Variants in WDR41 observed in about 807,000 individuals in gnomAD.
The protein encoded by WDR41 is WD repeat-containing protein 41.
WDR41 carries 63 observed loss-of-function variants against 69.3 expected under a neutral mutation model. The observed-to-expected ratio is 0.91, with a 90% CI of 0.74 to 1.12. The LOEUF is 1.12. Among genes scored for constraint, WDR41 ranks in the 50% most tolerant of loss-of-function variants. WDR41 has a pLI of 0.00. For missense variants in WDR41, 543 were observed against 534.5 expected, an observed-to-expected ratio of 1.02 and a Z score of -0.16; for synonymous variants, 185 against 192.1, an observed-to-expected ratio of 0.96 and a Z score of 0.31.
intron 1 of WDR41, among the ~76,000 whole-genome samples, chr5:77,607,510 C>T (rs1433526588): frequency 2.6e-5 from 4 of 152,214 alleles, no homozygotes; most frequent in Non-Finnish European, 4.4e-5. Flanking sequence ...ATTGGATAGG[C>T]ATTCTGCCAG....
At chr5:77,602,176 G>C (rs997760508) in intron 1 of WDR41, among the ~76,000 whole-genome samples, 1 of 145,876 alleles carries the variant, frequency 6.9e-6, no homozygotes, top group African/African-American at 2.6e-5. Flanking sequence ...TTTCTCTCTT[G>C]TTGCCCAGGC....
chr5:77,542,781 C>T (rs932070592), intron 1 of WDR41, among the ~76,000 whole-genome samples: 1 of 152,152 alleles, frequency 6.6e-6, no homozygotes, highest in African/African-American at 2.4e-5. Context: ...TCAGCTCCAA[C>T]TCGGATGGAC....
chr5:77,466,810 T>C (rs1272793897), intron 2 of WDR41, among the ~76,000 whole-genome samples: 1 of 151,050 alleles, frequency 6.6e-6, no homozygotes, highest in Non-Finnish European at 1.5e-5. Context: ...GCTACCATTT[T>C]TTTTTTTTTT....
At chr5:77,590,920 GA>G (rs1744126143) in intron 1 of WDR41, among the ~76,000 whole-genome samples, 1 of 152,006 alleles carries the variant, frequency 6.6e-6, no homozygotes, top group Non-Finnish European at 1.5e-5. Flanking sequence ...TTGTTTTCTG[GA>G]AAAGTTTATG....
chr5:77,450,176 A>C (rs1799568154), intron 7 of WDR41, among the ~76,000 whole-genome samples: 1 of 151,924 alleles, frequency 6.6e-6, no homozygotes, highest in African/African-American at 2.4e-5. Context: ...ATCTCAACTC[A>C]CTCCCTCCCT....
chr5:77,557,902 G>C (rs1743438784), intron 1 of WDR41, among the ~76,000 whole-genome samples: 1 of 152,008 alleles, frequency 6.6e-6, no homozygotes, highest in Non-Finnish European at 1.5e-5. Flanking sequence ...AGTTACAAAA[G>C]AATGTATACG....
chr5:77,513,144 G>C (rs1217603828), intron 1 of WDR41, among the ~76,000 whole-genome samples: 1 of 152,078 alleles, frequency 6.6e-6, no homozygotes, highest in South Asian at 2.1e-4. Flanking sequence ...AAACTATATG[G>C]CACATGCACT....
intron 2 of WDR41, among the ~76,000 whole-genome samples, chr5:77,480,440 A>G (rs1158920553): frequency 1.3e-5 from 2 of 152,174 alleles, no homozygotes; most frequent in Non-Finnish European, 2.9e-5. Flanking sequence ...TCCAACAATG[A>G]TAGACTGGAT....
At chr5:77,592,151 G>C (rs562520597) in intron 1 of WDR41, among the ~76,000 whole-genome samples, 2 of 152,124 alleles carry the variant, frequency 1.3e-5, no homozygotes, top group African/African-American at 4.8e-5. Flanking sequence ...ACTGTCACCA[G>C]GTTTCTTGTG....
rs79512379 is a variant in WDR41 at position 77,457,854 on chromosome 5, C to G, written c.411+1208G>C. On this transcript the variant is annotated intron_variant, in intron 5 of 12. Transcript: ENST00000296679. ...GAAACAGGATCACAGCAGGAGAAAA[C>G]AGACACAAATATCTAGCTGATTCAC... 1.0e-2 allele frequency among the ~76,000 whole-genome samples: 1,512 copies of G among 151,832 alleles called. 10 individuals are homozygous for G. The highest frequency in any genetic ancestry group is 0.034 in the Middle Eastern group (10 of 292).
intron 1 of WDR41, among the ~76,000 whole-genome samples, chr5:77,534,442 T>C (rs568593663): frequency 1.3e-5 from 2 of 152,062 alleles, no homozygotes; most frequent in Non-Finnish European, 2.9e-5. Flanking sequence ...ATTTCAATTT[T>C]TTTTTCTTTT....
rs562737633 is a variant in WDR41 at position 77,478,618 on chromosome 5, T to C, written c.167+10839A>G. Among the ~76,000 whole-genome samples, 7 of 152,206 alleles carry C rather than the reference T, an allele frequency of 4.6e-5. No homozygotes were observed. In the South Asian group the frequency reaches 1.2e-3, roughly 27 times the overall value. ...GATGCAGAAAAGGCCTTTGACAAAATTCAACAACACTTCATGCTAAAAATT... is the reference window on the plus strand; with the variant it reads ...GATGCAGAAAAGGCCTTTGACAAAACTCAACAACACTTCATGCTAAAAATT... On this transcript the variant is annotated intron_variant, in intron 2 of 12. Coordinates refer to ENST00000296679, the MANE Select transcript of WDR41 (RefSeq NM_018268.4).
rs889780930 is a variant in WDR41, at chr5:77,514,703, C to T, written c.43-25131G>A. Among the ~76,000 whole-genome samples, 3 of 152,166 alleles carry T rather than the reference C, an allele frequency of 2.0e-5. No individual in the cohort carries two copies. The East Asian group carries it at 5.8e-4, about 29-fold the overall frequency. On this transcript the variant is annotated intron_variant, in intron 1 of 5. Coordinates refer to the WDR41 transcript ENST00000509971. ...ATTGTGCCATTGTAGAGGGTACTTA[C>T]ACAACCTAGATGGTATAGTCTACTA...
chr5:77,522,507 G>A (rs1409454217), intron 1 of WDR41, among the ~76,000 whole-genome samples: 2 of 152,098 alleles, frequency 1.3e-5, no homozygotes, highest in Non-Finnish European at 2.9e-5. Context: ...AGTCGTGGTG[G>A]CGCTCACCTG....
chr5:77,433,291 T>C lies in WDR41; in HGVS notation c.1228-4A>G. On this transcript the variant is annotated splice_polypyrimidine_tract_variant and splice_region_variant and intron_variant, in intron 12 of 12. Coordinates refer to ENST00000296679, the MANE Select transcript of WDR41 (RefSeq NM_018268.4). ...GATCTTCAAAGTATAGAAACATCTG[T>C]AAAGAAAATTAAAACTGATTATAGG... 1 of 1,608,178 alleles carries C rather than the reference T, an allele frequency of 6.2e-7. No homozygotes were observed.
intron 10 of WDR41, 79 bp from the exon 11 acceptor site, chr5:77,437,503 G>A (rs918038744): frequency 5.6e-6 from 7 of 1,241,216 alleles, no homozygotes; most frequent in Non-Finnish European, 8.3e-6. Context: ...AAAGAAATCA[G>A]TGGAGCCCTC....
At position 77,462,971 on chromosome 5, in the gene WDR41, A is replaced by G. The variant is rs897136163; in HGVS notation, c.348+124T>C. ...TAAATGGTATCTTATAAGTAACAGAACAAAAATCATTTTTGCTATAACAAG... is the reference window on the plus strand; with the variant it reads ...TAAATGGTATCTTATAAGTAACAGAGCAAAAATCATTTTTGCTATAACAAG... On this transcript the variant is annotated intron_variant, in intron 4 of 12. Transcript: ENST00000296679. 7.4e-6 allele frequency: 8 copies of G among 1,078,786 alleles called. 1 individual carries two copies. Among genetic ancestry groups the G allele is most frequent in the Non-Finnish European group, 1.0e-5 (8 of 776,608 alleles). 66.8% of individuals were successfully genotyped at this position (1,078,786 alleles called of 1,614,324 possible).
In WDR41 at chr5:77,478,170, G is replaced by T. The variant is rs1345196451; in HGVS notation, c.167+11287C>A. 7.9e-5 allele frequency among the ~76,000 whole-genome samples: 12 copies of T among 152,276 alleles called. No individual in the cohort carries two copies. In the East Asian group the frequency reaches 2.3e-3, roughly 29 times the overall value. ...TAGACCAATAACAGGATCTGAAATT[G>T]TGGCAATAATCAATAGTTTACCAAC... is the stretch of plus-strand genomic sequence containing the variant. On this transcript the variant is annotated intron_variant, in intron 2 of 12. Coordinates refer to ENST00000296679, the MANE Select transcript of WDR41 (RefSeq NM_018268.4).
chr5:77,591,889 T>C (rs1416347761), intron 1 of WDR41, among the ~76,000 whole-genome samples: 1 of 152,188 alleles, frequency 6.6e-6, no homozygotes, highest in East Asian at 1.9e-4. Flanking sequence ...ATTGTAATTA[T>C]ATCAATTGAA....
Sources: gnomAD v4.1 joint callset for allele counts (sites outside exome capture counted in the v4.1 genomes callset) on GRCh38, gnomAD v4.1.1 for gene constraint, MANE v1.5 for transcripts, NCBI Gene and HGNC (gene_info 2026-07-23, HGNC 2026-07-21) for gene names.